HIVEP3: variants seen among roughly 807,000 people sequenced by gnomAD.
HIVEP3 encodes transcription factor HIVEP3.
Under a neutral mutation model 152.8 loss-of-function variants are expected in HIVEP3, and 49 were observed. The ratio of observed to expected loss-of-function variants is 0.32; its 90% CI spans 0.26 to 0.41. The LOEUF (loss-of-function observed/expected upper bound fraction) is 0.41, where lower values mean the gene tolerates loss of function less well. Among genes scored for constraint, HIVEP3 ranks in the 10% least tolerant of loss-of-function variants. The pLI is 1.00. For missense variants in HIVEP3, 2,790 were observed against 3,103.3 expected, an observed-to-expected ratio of 0.90 and a Z score of 2.40; for synonymous variants, 1,269 against 1,289.0, an observed-to-expected ratio of 0.98 and a Z score of 0.33.
At chr1:41,950,210 G>A (rs986881013) in intron 1 of HIVEP3, among the ~76,000 whole-genome samples, 1 of 152,164 alleles carries the variant, frequency 6.6e-6, no homozygotes, top group Non-Finnish European at 1.5e-5. Flanking sequence ...ACAATGATCA[G>A]GATATAAACC....
chr1:41,509,715 A>C lies in HIVEP3; in HGVS notation c.*736T>G, dbSNP rs1180620647. On this transcript the variant is annotated 3_prime_UTR_variant, in exon 9 of 9. Transcript: ENST00000372583. ...GAGTGCCAGGATGGGCCCATGACTC[A>C]GACTACCAGAGTATCCAGGAGCCCT... The C allele has an allele frequency of 6.6e-6, 1 of 150,874 alleles. No individual in the cohort carries two copies. The highest frequency in any genetic ancestry group is 1.5e-5 in the Non-Finnish European group (1 of 67,846). The allele number at this position is 150,874 out of a possible 1,614,324, so 9.3% of individuals were successfully genotyped here.
chr1:41,896,141 C>G (rs1644523449), intron 1 of HIVEP3, among the ~76,000 whole-genome samples: 1 of 152,158 alleles, frequency 6.6e-6, no homozygotes, highest in African/African-American at 2.4e-5. Flanking sequence ...CACTTACTAG[C>G]TCTGTGACAT....
chr1:41,975,102 G>C, intron 1 of HIVEP3, among the ~76,000 whole-genome samples: 1 of 152,086 alleles, frequency 6.6e-6, no homozygotes, highest in East Asian at 1.9e-4. Context: ...AAGACCTGGA[G>C]ACCTGGCCCC....
chr1:41,600,053 A>T (rs866508633), intron 3 of HIVEP3, among the ~76,000 whole-genome samples: 20 of 152,350 alleles, frequency 1.3e-4, no homozygotes, highest in Admixed American at 5.2e-4. Flanking sequence ...TACAACAAAA[A>T]AAAGAAAAAG....
intron 1 of HIVEP3, among the ~76,000 whole-genome samples, chr1:41,714,698 G>C (rs1286263199): frequency 1.3e-5 from 2 of 152,192 alleles, no homozygotes; most frequent in Non-Finnish European, 1.5e-5. Context: ...GCCCCTGGGA[G>C]AGAAACCAGC....
At chr1:41,548,522 C>A (rs1643860404) in intron 5 of HIVEP3, among the ~76,000 whole-genome samples, 2 of 145,218 alleles carry the variant, frequency 1.4e-5, no homozygotes, top group Non-Finnish European at 3.0e-5. Flanking sequence ...AAATGTACCA[C>A]TTGAACCATT....
At chr1:41,764,711 A>G (rs1647902306) in intron 1 of HIVEP3, among the ~76,000 whole-genome samples, 1 of 152,222 alleles carries the variant, frequency 6.6e-6, no homozygotes, top group Non-Finnish European at 1.5e-5. Flanking sequence ...CATGCCAGGC[A>G]CTGGGAATGT....
At chr1:41,997,621 C>CA (rs1291078625) in intron 1 of HIVEP3, among the ~76,000 whole-genome samples, 3 of 152,136 alleles carry the variant, frequency 2.0e-5, no homozygotes, top group East Asian at 3.8e-4. Flanking sequence ...GCATCCTCTG[C>CA]ATAAAATGTG....
At chr1:41,882,004 A>G (rs976687669) in intron 1 of HIVEP3, among the ~76,000 whole-genome samples, 1 of 152,226 alleles carries the variant, frequency 6.6e-6, no homozygotes, top group Non-Finnish European at 1.5e-5. Flanking sequence ...GATCCTAAGG[A>G]AAGTCCATTT....
rs1045590898 is a variant in HIVEP3 at position 41,666,125 on chromosome 1, G to A, written c.-721+34791C>T. ...TTTCCTGTTTGGGGTGTGTGTGCGT[G>A]TGTGTGTGTGTGTGTGTATGTGTGT... On this transcript the variant is annotated intron_variant, in intron 2 of 8. Coordinates refer to ENST00000372583, the MANE Select transcript of HIVEP3 (RefSeq NM_024503.5). Among the ~76,000 whole-genome samples, 7 of 76,772 alleles carry A rather than the reference G, an allele frequency of 9.1e-5. No individual in the cohort carries two copies. The East Asian group carries it at 4.8e-3, about 53-fold the overall frequency. The allele number at this position is 76,772 out of a possible 152,430, so 50.4% of individuals were successfully genotyped here. A position where few individuals can be genotyped will look rare whatever the true frequency, so the allele number is the denominator to read the frequency against.
intron 1 of HIVEP3, among the ~76,000 whole-genome samples, chr1:42,017,336 T>C (rs887199554): frequency 6.6e-5 from 10 of 152,148 alleles, no homozygotes; most frequent in Non-Finnish European, 1.5e-4. Flanking sequence ...ATAAGATACA[T>C]ACAGAAAAGA....
At chr1:41,778,028 C>A (rs1401277670) in intron 1 of HIVEP3, among the ~76,000 whole-genome samples, 1 of 152,242 alleles carries the variant, frequency 6.6e-6, no homozygotes, top group East Asian at 1.9e-4. Context: ...TGTGCACAAC[C>A]AACCAAATCC....
At chr1:41,937,983 C>A (rs1019061721) in intron 1 of HIVEP3, among the ~76,000 whole-genome samples, 2 of 152,214 alleles carry the variant, frequency 1.3e-5, no homozygotes, top group African/African-American at 4.8e-5. Context: ...GTTAACACCA[C>A]TGTATGTGTC....
intron 1 of HIVEP3, among the ~76,000 whole-genome samples, chr1:41,915,499 C>G (rs1284953954): frequency 6.6e-6 from 1 of 152,116 alleles, no homozygotes; most frequent in Admixed American, 6.5e-5. Context: ...AACTAATAAC[C>G]AAGCCTCTTA....
intron 1 of HIVEP3, among the ~76,000 whole-genome samples, chr1:42,033,186 C>T (rs1174188624): frequency 2.6e-5 from 4 of 152,144 alleles, no homozygotes; most frequent in Non-Finnish European, 5.9e-5. Flanking sequence ...TTTGGTCTGC[C>T]ATGCAGGTCC....
At chr1:41,553,326 C>T in intron 5 of HIVEP3, among the ~76,000 whole-genome samples, 1 of 151,844 alleles carries the variant, frequency 6.6e-6, no homozygotes, top group Admixed American at 6.6e-5. Context: ...GCAACCCCTG[C>T]TTTTTTTTCG....
chr1:41,706,420 T>A (rs1181622339), intron 1 of HIVEP3, among the ~76,000 whole-genome samples: 2 of 152,240 alleles, frequency 1.3e-5, no homozygotes, highest in Admixed American at 6.5e-5. Flanking sequence ...TAGCTGGGAT[T>A]ACATGTGTGC....
chr1:41,813,944 C>T (rs1651113860), intron 1 of HIVEP3, among the ~76,000 whole-genome samples: 1 of 152,182 alleles, frequency 6.6e-6, no homozygotes, highest in African/African-American at 2.4e-5. Flanking sequence ...ATGTCTAGGG[C>T]TCTGATGCCT....
chr1:41,997,483 C>T (rs1427727127), intron 1 of HIVEP3, among the ~76,000 whole-genome samples: 2 of 152,214 alleles, frequency 1.3e-5, no homozygotes, highest in African/African-American at 2.4e-5. Context: ...AATAGTATCA[C>T]ATACAAAATT....
Sources: gnomAD v4.1 joint callset for allele counts (sites outside exome capture counted in the v4.1 genomes callset) on GRCh38, gnomAD v4.1.1 for gene constraint, MANE v1.5 for transcripts, NCBI Gene and HGNC (gene_info 2026-07-23, HGNC 2026-07-21) for gene names.